DOCK2: variants seen among roughly 807,000 people sequenced by gnomAD.
DOCK2 encodes dedicator of cytokinesis protein 2.
DOCK2 carries 87 observed loss-of-function variants against 248.9 expected under a neutral mutation model. The observed-to-expected ratio is 0.35, with a 90% CI of 0.29 to 0.42. The LOEUF (loss-of-function observed/expected upper bound fraction) is 0.42. Among genes scored for constraint, DOCK2 ranks in the 10% least tolerant of loss-of-function variants. The probability of loss-of-function intolerance (pLI) is 1.00; values close to 1 mark genes in which losing one functional copy is unlikely to be tolerated. For synonymous variants in DOCK2, 805 were observed against 821.6 expected, an observed-to-expected ratio of 0.98 and a Z score of 0.35; for missense variants, 1,747 against 2,300.2, an observed-to-expected ratio of 0.76 and a Z score of 4.92.
chr5:169,825,562 T>A (rs529782929), intron 26 of DOCK2, among the ~76,000 whole-genome samples: 1 of 137,434 alleles, frequency 7.3e-6, no homozygotes, highest in African/African-American at 2.8e-5. Context: ...TAGGTGGGAA[T>A]TGAACAATGA....
At chr5:169,789,451 A>T (rs901259600) in intron 25 of DOCK2, among the ~76,000 whole-genome samples, 39 of 152,348 alleles carry the variant, frequency 2.6e-4, no homozygotes, top group African/African-American at 8.9e-4. Flanking sequence ...TACTGCTCCC[A>T]TCAATTGACT....
At chr5:169,839,760 A>G (rs1769827951) in intron 26 of DOCK2, among the ~76,000 whole-genome samples, 1 of 152,124 alleles carries the variant, frequency 6.6e-6, no homozygotes, top group African/African-American at 2.4e-5. Context: ...GGTTACCATT[A>G]TGTAACCCTA....
rs1009613524 is a variant in DOCK2, at chr5:169,864,317, G to A, written c.2799+23465G>A. ...TTCTTTTTCACCTTCTTGGTTTTCC[G>A]CCTTAAGTCCTGCTTTTCCGGGGCT... is the stretch of plus-strand genomic sequence containing the variant. On this transcript the variant is annotated intron_variant, in intron 27 of 51. Transcript: ENST00000520908. 108 of 1,551,450 alleles carry A rather than the reference G, an allele frequency of 7.0e-5. No homozygotes were observed. Among genetic ancestry groups the A allele is most frequent in the Non-Finnish European group, 8.2e-5 (94 of 1,146,958 alleles).
At chr5:170,059,312 A>G (rs1320869825) in intron 44 of DOCK2, among the ~76,000 whole-genome samples, 1 of 152,086 alleles carries the variant, frequency 6.6e-6, no homozygotes, top group African/African-American at 2.4e-5. Context: ...TAATTCTCAT[A>G]GACCCCAGTG....
intron 6 of DOCK2, 30 bp downstream of exon 6, chr5:169,674,475 T>G: frequency 6.2e-7 from 1 of 1,611,492 alleles, no homozygotes; most frequent in Non-Finnish European, 8.5e-7. Flanking sequence ...CAAAGAGGTT[T>G]TCTTCCCCCA....
At chr5:169,694,578 G>A (rs536443273) in intron 9 of DOCK2, among the ~76,000 whole-genome samples, 1 of 152,184 alleles carries the variant, frequency 6.6e-6, no homozygotes, top group Non-Finnish European at 1.5e-5. Flanking sequence ...CTGTCAAATG[G>A]GGATGCAATA....
chr5:169,941,139 G>A (rs1402793416), intron 27 of DOCK2, among the ~76,000 whole-genome samples: 1 of 152,148 alleles, frequency 6.6e-6, no homozygotes, highest in African/African-American at 2.4e-5. Context: ...ACAGGGTGTC[G>A]GGAGAGCAGA....
intron 27 of DOCK2, chr5:169,875,240 C>T: frequency 2.2e-6 from 1 of 456,724 alleles, no homozygotes; most frequent in South Asian, 1.5e-5. Context: ...CTTGCTGCAA[C>T]TGCGGATTCC....
At chr5:169,988,377 G>T (rs866175875) in intron 29 of DOCK2, among the ~76,000 whole-genome samples, 7 of 152,086 alleles carry the variant, frequency 4.6e-5, no homozygotes, top group South Asian at 2.1e-4. Context: ...TATAATCCAC[G>T]CATTATATAA....
intron 38 of DOCK2, among the ~76,000 whole-genome samples, chr5:170,044,998 A>T (rs1425648497): frequency 6.6e-6 from 1 of 152,156 alleles, no homozygotes; most frequent in Non-Finnish European, 1.5e-5. Context: ...ACTCTCGTCT[A>T]AGACAGAGGA....
intron 33 of DOCK2, 21 bp downstream of exon 33, chr5:170,019,129 C>G (rs764107278): frequency 7.4e-6 from 12 of 1,613,834 alleles, no homozygotes; most frequent in Non-Finnish European, 1.0e-5. Context: ...AGGCCGGAAA[C>G]TCATGCCAGC....
rs1007649901 is a variant in DOCK2, at chr5:169,978,402, G to T, written c.2800-4666G>T. Among the ~76,000 whole-genome samples, 14 of 136,854 alleles carry T rather than the reference G, an allele frequency of 1.0e-4. 1 individual carries two copies. Among genetic ancestry groups the T allele is most frequent in the Non-Finnish European group, 2.1e-4 (13 of 62,066 alleles). The allele number at this position is 136,854 out of a possible 152,430, so 89.8% of individuals were successfully genotyped here. On this transcript the variant is annotated intron_variant, in intron 27 of 51. Coordinates refer to ENST00000520908, the MANE Select transcript of DOCK2 (RefSeq NM_004946.3). Reference sequence around the variant, plus strand: ...GTGTGTGTGTGTGTGTGGGGGGGGGGGGGTGTAGGTGTGTTTGCATTAGAG... The same window carrying T: ...GTGTGTGTGTGTGTGTGGGGGGGGGTGGGTGTAGGTGTGTTTGCATTAGAG...
rs2113874857 is a variant in DOCK2, at chr5:170,076,044, T to G, written c.4826T>G (p.Leu1609Arg). 6.2e-7 allele frequency: 1 copy of G among 1,613,722 alleles called. No individual in the cohort carries two copies. Among genetic ancestry groups the G allele is most frequent in the Non-Finnish European group, 8.5e-7 (1 of 1,180,002 alleles). ...HDRMEECFKN[L>R]KMKVEKEYGV... ...CGGATGGAGGAATGTTTCAAGAACC[T>G]GAAAATGAAGGTGGAGAAGGAGTAC... is the stretch of plus-strand genomic sequence containing the variant. The change falls in exon 47 of 52, where the codon CTG becomes CGG. Residue 1609 changes from leucine to arginine, a missense_variant. By Grantham distance (102) the Leu-to-Arg change is moderately radical. Around this residue, in one of 4 missense-constraint regions of DOCK2, gnomAD observed 513 missense variants for 586.1 expected, o/e 0.88. Coordinates refer to ENST00000520908, the MANE Select transcript of DOCK2 (RefSeq NM_004946.3).
At position 170,050,264 on chromosome 5, in the gene DOCK2, G is replaced by A; in HGVS notation, c.4080G>A (p.Val1360=). Reference sequence around the variant, plus strand: ...GCATCCTTTCTCTGCAGAACAAAGTGTTCATCTACCGCGGGAAGGAATATG... The same window carrying A: ...GCATCCTTTCTCTGCAGAACAAAGTATTCATCTACCGCGGGAAGGAATATG... ...QGFPSFLRNK[V]FIYRGKEYER... The change falls in exon 41 of 52, where the codon GTG becomes GTA. Residue 1360 remains valine, a synonymous_variant. Transcript: ENST00000520908. 1 of 1,614,038 alleles carries A rather than the reference G, an allele frequency of 6.2e-7. No homozygotes were observed. Among genetic ancestry groups the A allele is most frequent in the South Asian group, 1.1e-5 (1 of 91,068 alleles).
At chr5:169,853,367 G>A (rs941603397) in intron 27 of DOCK2, among the ~76,000 whole-genome samples, 3 of 152,172 alleles carry the variant, frequency 2.0e-5, no homozygotes, top group African/African-American at 4.8e-5. Context: ...CAGGCCCATC[G>A]CCCCCGTCCA....
intron 27 of DOCK2, chr5:169,934,703 G>A (rs921832613): frequency 2.2e-6 from 1 of 456,262 alleles, no homozygotes; most frequent in Non-Finnish European, 4.4e-6. Context: ...AGTATTAAAT[G>A]TGATAGTATC....
intron 6 of DOCK2, among the ~76,000 whole-genome samples, chr5:169,675,658 G>T (rs1377336964): frequency 6.6e-6 from 1 of 152,134 alleles, no homozygotes; most frequent in Non-Finnish European, 1.5e-5. Context: ...GGAGAGTCAG[G>T]GGCTCATGAG....
rs113272001 is a variant in DOCK2, at chr5:169,907,236, G to A, written c.2799+66384G>A. ...CAACTTGATTTTGCATTTGGTTTGC[G>A]TCATTCTTAGGGATACTGAAGATAC... On this transcript the variant is annotated intron_variant, in intron 27 of 51. Coordinates refer to ENST00000520908, the MANE Select transcript of DOCK2 (RefSeq NM_004946.3). 2.3e-3 allele frequency among the ~76,000 whole-genome samples: 350 copies of A among 152,308 alleles called. 1 individual carries two copies. Among genetic ancestry groups the A allele is most frequent in the South Asian group, 8.3e-3 (40 of 4,822 alleles).
At chr5:169,642,370 C>T (rs920892557) in intron 1 of DOCK2, among the ~76,000 whole-genome samples, 3 of 152,184 alleles carry the variant, frequency 2.0e-5, no homozygotes, top group Non-Finnish European at 4.4e-5. Flanking sequence ...AAAAGAATTT[C>T]ATGAATAAAT....
Sources: allele counts gnomAD v4.1 joint callset (sites outside exome capture counted in the v4.1 genomes callset), GRCh38; gene constraint gnomAD v4.1.1; regional missense constraint gnomAD v4.1.1; transcripts MANE v1.5; gene names NCBI Gene and HGNC (gene_info 2026-07-23, HGNC 2026-07-21).